The following SLC46A1 variants were observed in gnomAD, a reference collection of about 807,000 sequenced individuals.
SLC46A1 encodes solute carrier family 46 member 1.
In SLC46A1, 17 loss-of-function variants were observed where a neutral mutation model predicts 32.1. That is an observed-to-expected ratio of 0.53 (90% CI 0.36 to 0.79). The LOEUF (loss-of-function observed/expected upper bound fraction) is 0.79, where lower values mean the gene tolerates loss of function less well. Ranked by LOEUF, SLC46A1 falls within the 30% of genes least tolerant of loss-of-function variation. The pLI is 0.00. For missense variants in SLC46A1, 517 were observed against 588.2 expected, an observed-to-expected ratio of 0.88 and a Z score of 1.25; for synonymous variants, 240 against 262.7, an observed-to-expected ratio of 0.91 and a Z score of 0.84.
Position 28,402,347 on chromosome 17 carries a change from G to GA in SLC46A1, c.1082-27dup, listed in dbSNP as rs570608272. 6.8e-5 allele frequency: 109 copies of GA among 1,601,952 alleles called. 1 individual carries two copies. The South Asian group carries it at 1.1e-3, about 17-fold the overall frequency. Reference sequence around the variant, plus strand: ...CTGTGGAGAAACAAACACTCATCAGGAAAATGGGGCTGGGGAGAGGGGCGT... The same window carrying GA: ...CTGTGGAGAAACAAACACTCATCAGGAAAAATGGGGCTGGGGAGAGGGGCGT... On this transcript the variant is annotated intron_variant, in intron 2 of 4. Coordinates refer to ENST00000612814, the MANE Select transcript of SLC46A1 (RefSeq NM_080669.6).
rs1273506942 is a variant in SLC46A1 at position 28,395,928 on chromosome 17, C to T, written c.*3728G>A. The T allele has an allele frequency of 1.6e-5, 26 of 1,613,904 alleles. No homozygotes were observed. Among genetic ancestry groups the T allele is most frequent in the Admixed American group, 5.0e-5 (3 of 60,028 alleles). ...AGGAGATTGTGACTGCTTTAAGCTG[C>T]GGCAAGAACATTGTGCCCATCATTG... is the stretch of plus-strand genomic sequence containing the variant. On this transcript the variant is annotated 3_prime_UTR_variant, in exon 5 of 5. Transcript: ENST00000612814.
rs1555588043 is a variant in SLC46A1 at position 28,396,467 on chromosome 17, G to A, written c.*3189C>T. ...TCCAACCCACTTTCCTCAGTATCTG[G>A]AGAGGGAAGGGAAGTCAGGCTTGGG... On this transcript the variant is annotated 3_prime_UTR_variant, in exon 5 of 5. Coordinates refer to ENST00000612814, the MANE Select transcript of SLC46A1 (RefSeq NM_080669.6). 2 of 701,348 alleles carry A rather than the reference G, an allele frequency of 2.9e-6. No individual in the cohort carries two copies. Among genetic ancestry groups the A allele is most frequent in the Non-Finnish European group, 4.7e-6 (2 of 428,184 alleles). The allele number at this position is 701,348 out of a possible 1,614,324, so 43.4% of individuals were successfully genotyped here. A position where few individuals can be genotyped will look rare whatever the true frequency, so the allele number is the denominator to read the frequency against.
chr17:28,402,800 G>A (rs1179256133), intron 2 of SLC46A1: 1 of 154,134 alleles, frequency 6.5e-6, no homozygotes, highest in African/African-American at 2.4e-5. Context: ...CTGAATAATG[G>A]TGCCCAATGG....
At chr17:28,405,699 G>T in intron 1 of SLC46A1, 188 bp downstream of exon 1, 2 of 950,488 alleles carry the variant, frequency 2.1e-6, no homozygotes, top group Non-Finnish European at 3.1e-6. Flanking sequence ...CCAGACTTTA[G>T]CTCAGCTTTT....
Position 28,405,000 on chromosome 17 carries a change from T to TCTCA in SLC46A1, c.693_696dup (p.Thr233Ter). ...CGGGTGGACTTTGGCTCCTTTAAGG[T>TCTCA]CTCACCAAAGCAGAAAGCTGCATAG... On this transcript the variant is annotated stop_gained and frameshift_variant, in exon 2 of 5. Transcript: ENST00000612814. LOFTEE classifies it high-confidence loss of function. 6.2e-7 allele frequency: 1 copy of TCTCA among 1,613,714 alleles called. No individual in the cohort carries two copies. Among genetic ancestry groups the TCTCA allele is most frequent in the Non-Finnish European group, 8.5e-7 (1 of 1,179,804 alleles).
chr17:28,404,319 G>A, intron 2 of SLC46A1: 1 of 440,664 alleles, frequency 2.3e-6, no homozygotes, highest in East Asian at 4.6e-5. Flanking sequence ...GGAGGCCAAG[G>A]GGTAAAGCAA....
chr17:28,400,696 T>C lies in SLC46A1; in HGVS notation c.1236A>G (p.Ser412=), dbSNP rs782352629. The C allele has an allele frequency of 7.4e-6, 12 of 1,611,144 alleles. No homozygotes were observed. In the South Asian group the frequency reaches 1.1e-4, roughly 15 times the overall value. ...AMLTASGIFN[S]LYPATLNFMK... The stretch of plus-strand genomic sequence containing the variant: ...TAAAGTTCAGAGTGGCTGGGTAGAG[T>C]GAGTTGAAGATGCCGGAGGCCGTCA... The change falls in exon 4 of 5, where the codon TCA becomes TCG. Residue 412 remains serine, a synonymous_variant. Transcript: ENST00000612814.
In SLC46A1 at chr17:28,405,412, C is replaced by T. The variant is rs1555591026; in HGVS notation, c.285G>A (p.Leu95=). The change falls in exon 2 of 5, where the codon CTG becomes CTA. Residue 95 remains leucine, a synonymous_variant. Transcript: ENST00000612814. ...WTLYMNVGGF[L]VGLFSSTLLG... is the part of the protein sequence containing the mutation. The stretch of plus-strand genomic sequence containing the variant: ...GCAGGGTGGACGAGAAGAGCCCCAC[C>T]AGGAAGCCGCCCACGTTCATGTAGA... 6.3e-7 allele frequency: 1 copy of T among 1,589,820 alleles called. No homozygotes were observed. The highest frequency in any genetic ancestry group is 8.6e-7 in the Non-Finnish European group (1 of 1,168,802).
rs782810421 is a variant in SLC46A1 at position 28,399,731 on chromosome 17, G to A, written c.1323-18C>T. The A allele has an allele frequency of 1.9e-6, 3 of 1,613,800 alleles. No homozygotes were observed. The South Asian group carries it at 3.3e-5, about 18-fold the overall frequency. ...CCAGCATCCTGTGAGAGACCAGAGA[G>A]AGAGTTTGGATTTCATGTGGGGAAC... On this transcript the variant is annotated intron_variant, in intron 4 of 4. Transcript: ENST00000612814.
At position 28,399,477 on chromosome 17, in the gene SLC46A1, G is replaced by A. The variant is rs1353053693; in HGVS notation, c.*179C>T. On this transcript the variant is annotated 3_prime_UTR_variant, in exon 5 of 5. Coordinates refer to ENST00000612814, the MANE Select transcript of SLC46A1 (RefSeq NM_080669.6). ...TTATGATTCTAGATCCTAGACAGAG[G>A]CTGGGTCAGCTGTGGATGGGGTGGT... The A allele has an allele frequency of 1.6e-6, 1 of 627,602 alleles. No homozygotes were observed. The highest frequency in any genetic ancestry group is 2.8e-5 in the East Asian group (1 of 36,094). 38.9% of individuals were successfully genotyped at this position (627,602 alleles called of 1,614,324 possible).
At position 28,396,008 on chromosome 17, in the gene SLC46A1, T is replaced by C; in HGVS notation, c.*3648A>G. ...CTGCCTGAGGACATGCAGGCTGTGC[T>C]TACTTTCAACGGTATCAAGTGAGCC... is the stretch of plus-strand genomic sequence containing the variant. On this transcript the variant is annotated 3_prime_UTR_variant, in exon 5 of 5. Transcript: ENST00000612814. The C allele has an allele frequency of 6.2e-7, 1 of 1,613,908 alleles. No individual in the cohort carries two copies. The highest frequency in any genetic ancestry group is 1.1e-5 in the South Asian group (1 of 91,086).
At chr17:28,400,820 C>G (rs1370075664) in intron 3 of SLC46A1, 54 bp from the exon 4 acceptor site, 1 of 1,487,858 alleles carries the variant, frequency 6.7e-7, no homozygotes, top group African/African-American at 1.4e-5. Context: ...TATTCCAACT[C>G]TGGCACCACC....
intron 2 of SLC46A1, chr17:28,402,640 C>T: frequency 4.0e-6 from 1 of 247,170 alleles, no homozygotes; most frequent in Admixed American, 4.7e-5. Flanking sequence ...AGAAAACAAG[C>T]ATGGGCTTTG....
chr17:28,399,698 A>G lies in SLC46A1; in HGVS notation c.1338T>C (p.Ala446=). The change falls in exon 5 of 5, where the codon GCT becomes GCC. Residue 446 remains alanine, a synonymous_variant. Transcript: ENST00000612814. The part of the protein sequence containing the change: ...PAVLIGMLEK[A]DPHLEFQQFP... ...ACTGCTGGAACTCGAGGTGAGGATC[A>G]GCCTTTTCCAGCATCCTGTGAGAGA... 2 of 1,613,980 alleles carry G rather than the reference A, an allele frequency of 1.2e-6. No homozygotes were observed. The highest frequency in any genetic ancestry group is 3.3e-4 in the Middle Eastern group (2 of 6,062).
At chr17:28,405,859 C>T (rs782332103) in intron 1 of SLC46A1, 28 bp downstream of exon 1, 2 of 1,541,496 alleles carry the variant, frequency 1.3e-6, no homozygotes, top group South Asian at 1.2e-5. Context: ...GGGCCCTCCA[C>T]CTGCCAGGCT....
intron 1 of SLC46A1, 64 bp from the exon 2 acceptor site, chr17:28,405,532 G>A: frequency 3.2e-6 from 5 of 1,558,640 alleles, no homozygotes; most frequent in Non-Finnish European, 3.5e-6. Flanking sequence ...CCAAATCCTC[G>A]CCATCCCGGG....
intron 2 of SLC46A1, 151 bp from the exon 3 acceptor site, chr17:28,402,472 CA>C: frequency 3.2e-6 from 2 of 633,286 alleles, no homozygotes; most frequent in Non-Finnish European, 5.6e-6. Context: ...AGACAGTAGT[CA>C]AGGAGGAATG....
At position 28,395,780 on chromosome 17, in the gene SLC46A1, GA is replaced by G; in HGVS notation, c.*3875del. 1 of 923,100 alleles carries G rather than the reference GA, an allele frequency of 1.1e-6. No homozygotes were observed. The highest frequency in any genetic ancestry group is 1.7e-6 in the Non-Finnish European group (1 of 586,804). 57.2% of individuals were successfully genotyped at this position (923,100 alleles called of 1,614,324 possible). On this transcript the variant is annotated 3_prime_UTR_variant, in exon 5 of 5. Coordinates refer to ENST00000612814, the MANE Select transcript of SLC46A1 (RefSeq NM_080669.6). ...AAGGGTTAAGGTAGACATCAAGGTGGACATCAGGACTGGTGTCCTGCCCTGG... is the reference window on the plus strand; with the variant it reads ...AAGGGTTAAGGTAGACATCAAGGTGGCATCAGGACTGGTGTCCTGCCCTGG...
chr17:28,397,522 G>A lies in SLC46A1; in HGVS notation c.*2134C>T, dbSNP rs1555588394. The stretch of plus-strand genomic sequence containing the variant: ...TGACACTGAGGCTCAGAAAGGTTGA[G>A]GATAAGCCCACTTTCCTGTCATTAG... On this transcript the variant is annotated 3_prime_UTR_variant, in exon 5 of 5. Coordinates refer to ENST00000612814, the MANE Select transcript of SLC46A1 (RefSeq NM_080669.6). The A allele has an allele frequency of 6.6e-6, 1 of 152,186 alleles. No homozygotes were observed. The highest frequency in any genetic ancestry group is 2.4e-5 in the African/African-American group (1 of 41,420). The allele number at this position is 152,186 out of a possible 1,614,324, so 9.4% of individuals were successfully genotyped here. A position where few individuals can be genotyped will look rare whatever the true frequency, so the allele number is the denominator to read the frequency against.
Sources: allele counts gnomAD v4.1 joint callset, GRCh38; gene constraint gnomAD v4.1.1; transcripts MANE v1.5; gene names NCBI Gene and HGNC (gene_info 2026-07-23, HGNC 2026-07-21).